PTPRD: variants seen among roughly 807,000 people sequenced by gnomAD.
The protein encoded by PTPRD is receptor-type tyrosine-protein phosphatase delta.
Under a neutral mutation model 214.5 loss-of-function variants are expected in PTPRD, and 34 were observed. The observed-to-expected ratio is 0.16, with a 90% CI of 0.12 to 0.21. PTPRD has a LOEUF of 0.21. PTPRD is among the 10% of genes least tolerant of loss of function. The pLI is 1.00. For synonymous variants in PTPRD, 1,128 were observed against 845.7 expected (o/e 1.33, Z -5.79); for missense variants, 2,545 against 2,398.7 (o/e 1.06, Z -1.27).
chr9:9,246,155 GA>G (rs2099972966), intron 9 of PTPRD, among the ~76,000 whole-genome samples: 1 of 152,042 alleles, frequency 6.6e-6, no homozygotes, highest in Non-Finnish European at 1.5e-5. Context: ...AAGGTAGAGT[GA>G]ATTCATTATT....
intron 14 of PTPRD, among the ~76,000 whole-genome samples, chr9:8,549,031 CT>C (rs2081196004): frequency 6.6e-6 from 1 of 152,004 alleles, no homozygotes; most frequent in South Asian, 2.1e-4. Flanking sequence ...AAAGAAAAAT[CT>C]TCACATTCTA....
intron 7 of PTPRD, among the ~76,000 whole-genome samples, chr9:9,708,984 A>G (rs1377491773): frequency 6.6e-6 from 1 of 152,008 alleles, no homozygotes; most frequent in African/African-American, 2.4e-5. Context: ...CAATTATACC[A>G]TGAGCTTCTT....
At chr9:9,948,970 T>G (rs2093133833) in intron 4 of PTPRD, among the ~76,000 whole-genome samples, 1 of 151,710 alleles carries the variant, frequency 6.6e-6, no homozygotes, top group Admixed American at 6.6e-5. Context: ...AGAAACACTA[T>G]ATCTGATGCA....
intron 3 of PTPRD, among the ~76,000 whole-genome samples, chr9:10,184,212 G>A (rs2099317259): frequency 6.6e-6 from 1 of 152,116 alleles, no homozygotes; most frequent in Non-Finnish European, 1.5e-5. Context: ...ATTACTTGAT[G>A]TCAGGGGTTC....
intron 11 of PTPRD, among the ~76,000 whole-genome samples, chr9:8,828,712 C>T (rs1177733795): frequency 2.0e-5 from 3 of 152,124 alleles, no homozygotes; most frequent in Non-Finnish European, 4.4e-5. Flanking sequence ...ATTATCTACG[C>T]ATCTCTAAAA....
chr9:8,785,929 T>C (rs1160349994), intron 11 of PTPRD, among the ~76,000 whole-genome samples: 2 of 152,332 alleles, frequency 1.3e-5, no homozygotes, highest in African/African-American at 4.8e-5. Flanking sequence ...GCAAAATCTT[T>C]TTCCTTTATA....
intron 4 of PTPRD, among the ~76,000 whole-genome samples, chr9:9,982,873 G>C (rs575002028): frequency 6.2e-4 from 94 of 152,212 alleles, no homozygotes; most frequent in Non-Finnish European, 1.0e-3. Flanking sequence ...AATCAAGCCT[G>C]ATAATGATTC....
rs922771507 is a variant in PTPRD at position 9,950,722 on chromosome 9, CAAAAAAAAAAAAAAAAAAAAAAAAA to C, written c.-471-12137_-471-12113del. On this transcript the variant is annotated intron_variant, in intron 4 of 45. Coordinates refer to ENST00000381196, the MANE Select transcript of PTPRD (RefSeq NM_002839.4). ...CCTGGGCGACAGCGAGACTCCGTCT[CAAAAAAAAAAAAAAAAAAAAAAAAA>C]AAAAAAAAAAAAAGAAGAAAGTGGA... Among the ~76,000 whole-genome samples the C allele has an allele frequency of 1.5e-3, 4 of 2,664 alleles. 1 individual carries two copies. Among genetic ancestry groups the C allele is most frequent in the Admixed American group, 0.014 (1 of 74 alleles). 1.7% of individuals were successfully genotyped at this position (2,664 alleles called of 152,430 possible).
At position 8,376,649 on chromosome 9, in the gene PTPRD, C is replaced by A; in HGVS notation, c.4464G>T (p.Val1488=). The change falls in exon 38 of 46, where the codon GTG becomes GTT. Residue 1488 remains valine (V), a synonymous_variant. Coordinates refer to ENST00000381196, the MANE Select transcript of PTPRD (RefSeq NM_002839.4). ...GLVQVTLLDT[V]ELATYCVRTF... is the part of the protein sequence containing the mutation. The stretch of plus-strand genomic sequence containing the variant: ...TTCGAACACAATATGTGGCCAGCTC[C>A]ACAGTATCAAGCAGCGTTACTTGAA... 6.2e-7 allele frequency: 1 copy of A among 1,613,066 alleles called. No individual in the cohort carries two copies. Among genetic ancestry groups the A allele is most frequent in the Non-Finnish European group, 8.5e-7 (1 of 1,179,350 alleles).
At chr9:9,882,328 G>C (rs1006538552) in intron 5 of PTPRD, among the ~76,000 whole-genome samples, 1 of 151,852 alleles carries the variant, frequency 6.6e-6, no homozygotes, top group Non-Finnish European at 1.5e-5. Context: ...TCTTTGAAAG[G>C]TTTTCCCATC....
At chr9:9,298,829 T>C (rs1954129751) in intron 9 of PTPRD, among the ~76,000 whole-genome samples, 1 of 151,778 alleles carries the variant, frequency 6.6e-6, no homozygotes, top group Non-Finnish European at 1.5e-5. Context: ...TAAATTTGTA[T>C]ATAAGAAAAA....
intron 2 of PTPRD, among the ~76,000 whole-genome samples, chr9:10,410,058 T>TTATTC (rs1485505639): frequency 6.6e-6 from 1 of 151,580 alleles, no homozygotes; most frequent in Non-Finnish European, 1.5e-5. Context: ...CTTGGGATAA[T>TTATTC]TTGGAATAAT....
At chr9:9,143,034 C>G (rs1325943186) in intron 10 of PTPRD, among the ~76,000 whole-genome samples, 1 of 152,164 alleles carries the variant, frequency 6.6e-6, no homozygotes, top group Non-Finnish European at 1.5e-5. Context: ...AGCTTTCTGT[C>G]TCTGTGTTAC....
intron 2 of PTPRD, among the ~76,000 whole-genome samples, chr9:10,549,256 T>C (rs1438515324): frequency 6.6e-6 from 1 of 152,154 alleles, no homozygotes; most frequent in African/African-American, 2.4e-5. Flanking sequence ...CATAATGCAA[T>C]GTTGTGTCAA....
At chr9:9,932,281 G>C (rs10978104) in intron 5 of PTPRD, among the ~76,000 whole-genome samples, 1 of 147,692 alleles carries the variant, frequency 6.8e-6, no homozygotes, top group Non-Finnish European at 1.5e-5. Context: ...ATTACTCTGA[G>C]CTACGGGAGG....
At chr9:8,978,910 A>T (rs779171392) in intron 11 of PTPRD, among the ~76,000 whole-genome samples, 1 of 152,150 alleles carries the variant, frequency 6.6e-6, no homozygotes, top group African/African-American at 2.4e-5. Context: ...GGCAATGCAC[A>T]TGTAGTTATT....
At position 8,927,227 on chromosome 9, in the gene PTPRD, T is replaced by C. The variant is rs372240931; in HGVS notation, c.-104+91470A>G. ...TGACTGTTTTTCTCATATTTATTTA[T>C]TTATTTTTATTATACTTTAAGTTCT... On this transcript the variant is annotated intron_variant, in intron 11 of 45. Transcript: ENST00000381196. Among the ~76,000 whole-genome samples, 13 of 152,288 alleles carry C rather than the reference T, an allele frequency of 8.5e-5. No individual in the cohort carries two copies. The East Asian group carries it at 2.5e-3, about 29-fold the overall frequency.
intron 9 of PTPRD, among the ~76,000 whole-genome samples, chr9:9,292,145 G>A (rs1026322404): frequency 1.3e-5 from 2 of 149,958 alleles, no homozygotes; most frequent in African/African-American, 4.9e-5. Flanking sequence ...TCCTGAAAAC[G>A]TTTCATTCTC....
intron 9 of PTPRD, among the ~76,000 whole-genome samples, chr9:9,260,233 C>G (rs2099979486): frequency 6.6e-6 from 1 of 151,776 alleles, no homozygotes; most frequent in Non-Finnish European, 1.5e-5. Flanking sequence ...TGAATAAAAG[C>G]AAACTCCATC....
Sources: gnomAD v4.1 joint callset for allele counts (sites outside exome capture counted in the v4.1 genomes callset) on GRCh38, gnomAD v4.1.1 for gene constraint, MANE v1.5 for transcripts, NCBI Gene and HGNC (gene_info 2026-07-23, HGNC 2026-07-21) for gene names.